Variants in CNOT11 observed in about 807,000 individuals in gnomAD.
CNOT11 encodes the protein CCR4-NOT transcription complex subunit 11.
A neutral mutation model predicts 44.6 loss-of-function variants in CNOT11; 18 were observed. That is an observed-to-expected ratio of 0.40 (90% CI 0.28 to 0.60). CNOT11 has a LOEUF of 0.60. Ranked by LOEUF, CNOT11 falls within the 20% of genes least tolerant of loss-of-function variation. The pLI is 0.38. For missense variants in CNOT11, 513 were observed against 677.0 expected (o/e 0.76, Z 2.69); for synonymous variants, 291 against 270.9 (o/e 1.07, Z -0.73).
chr2:101,266,928 T>C (rs565924362), intron 5 of CNOT11, 49 bp downstream of exon 5: 1 of 1,394,512 alleles, frequency 7.2e-7, no homozygotes, highest in East Asian at 2.3e-5. Flanking sequence ...ACAGATTAGA[T>C]GGCCAGGAAA....
In CNOT11 at chr2:101,266,854, T is replaced by C; in HGVS notation, c.1213T>C (p.Leu405=). 1 of 1,613,486 alleles carries C rather than the reference T, an allele frequency of 6.2e-7. No homozygotes were observed. The highest frequency in any genetic ancestry group is 8.5e-7 in the Non-Finnish European group (1 of 1,179,436). The change falls in exon 5 of 7, where the codon TTA becomes CTA. Residue 405 remains leucine (L), a synonymous_variant. Transcript: ENST00000289382. ...FSVLVNMDMS[L]HSMEVVNRLT... ...TGTCCTGGTCAATATGGACATGTCT[T>C]TACATTCAATGGAAGTTGTAAATCG...
intron 5 of CNOT11, among the ~76,000 whole-genome samples, chr2:101,268,477 T>A (rs1013267028): frequency 1.3e-5 from 2 of 152,226 alleles, no homozygotes; most frequent in African/African-American, 4.8e-5. Flanking sequence ...TAGTGCATCA[T>A]CCTTAAACGT....
At position 101,270,019 on chromosome 2, in the gene CNOT11, T is replaced by C. The variant is rs1313554223; in HGVS notation, c.*606T>C. The C allele has an allele frequency of 6.6e-6, 1 of 152,490 alleles. No homozygotes were observed. The highest frequency in any genetic ancestry group is 1.5e-5 in the Non-Finnish European group (1 of 68,026). The allele number at this position is 152,490 out of a possible 1,614,324, so 9.4% of individuals were successfully genotyped here. On this transcript the variant is annotated 3_prime_UTR_variant, in exon 7 of 7. Transcript: ENST00000289382. ...ATAAATGCATTTCTTGGGCCTCTTA[T>C]AAACTTGGGAATTCTTAGAAAGCTG...
intron 2 of CNOT11, 117 bp downstream of exon 2, chr2:101,258,072 T>A: frequency 9.3e-7 from 1 of 1,078,052 alleles, no homozygotes; most frequent in Non-Finnish European, 1.3e-6. Flanking sequence ...TCATCCATTT[T>A]AAAAAGTAGT....
At chr2:101,255,508 G>A (rs1573196530) in intron 1 of CNOT11, among the ~76,000 whole-genome samples, 1 of 150,672 alleles carries the variant, frequency 6.6e-6, no homozygotes, top group East Asian at 2.0e-4. Flanking sequence ...AAAAAAAAAA[G>A]TACCTGTGAG....
Position 101,252,929 on chromosome 2 carries a change from C to T in CNOT11, c.-36C>T. On this transcript the variant is annotated 5_prime_UTR_variant, in exon 1 of 7. Coordinates refer to ENST00000289382, the MANE Select transcript of CNOT11 (RefSeq NM_017546.5). ...GACGGAGCGAGCCGGCGCCAGGGCC[C>T]CTCGGGCCGGGAAGAGGGGAAGGGG... 8.6e-6 allele frequency: 12 copies of T among 1,403,476 alleles called. No homozygotes were observed. The highest frequency in any genetic ancestry group is 1.1e-5 in the Non-Finnish European group (12 of 1,089,212). 86.9% of individuals were successfully genotyped at this position (1,403,476 alleles called of 1,614,324 possible). A position where few individuals can be genotyped will look rare whatever the true frequency, so the allele number is the denominator to read the frequency against.
At chr2:101,254,649 A>C (rs1197946364) in intron 1 of CNOT11, among the ~76,000 whole-genome samples, 2 of 151,862 alleles carry the variant, frequency 1.3e-5, no homozygotes, top group African/African-American at 4.8e-5. Context: ...TGGAGGCCGA[A>C]GTGGTGGAGG....
chr2:101,256,713 A>G (rs1005652327), intron 1 of CNOT11, among the ~76,000 whole-genome samples: 2 of 152,226 alleles, frequency 1.3e-5, no homozygotes, highest in African/African-American at 4.8e-5. Context: ...TTGTTTGCAT[A>G]TATAAGCTTT....
intron 5 of CNOT11, among the ~76,000 whole-genome samples, chr2:101,268,244 C>T (rs1410190777): frequency 6.6e-6 from 1 of 152,236 alleles, no homozygotes; most frequent in Non-Finnish European, 1.5e-5. Flanking sequence ...TGAAGACTCA[C>T]TCTTTTCAGT....
intron 2 of CNOT11, 68 bp downstream of exon 2, chr2:101,258,023 A>G (rs1681772477): frequency 2.8e-6 from 4 of 1,433,520 alleles, no homozygotes; most frequent in Non-Finnish European, 3.8e-6. Flanking sequence ...TGAGGACTCT[A>G]CTAAAATGAT....
At chr2:101,268,508 G>A (rs1422791671) in intron 5 of CNOT11, among the ~76,000 whole-genome samples, 7 of 152,144 alleles carry the variant, frequency 4.6e-5, no homozygotes, top group East Asian at 3.8e-4. Flanking sequence ...TTTTGGCGAC[G>A]CACAAATCTC....
At chr2:101,258,021 C>T in intron 2 of CNOT11, 66 bp downstream of exon 2, 6 of 1,434,940 alleles carry the variant, frequency 4.2e-6, no homozygotes, top group Non-Finnish European at 5.7e-6. Context: ...GTTGAGGACT[C>T]TACTAAAATG....
chr2:101,269,121 G>C lies in CNOT11; in HGVS notation c.1320G>C (p.Lys440Asn), dbSNP rs1174507449. The change falls in exon 6 of 7, where the codon AAG (lysine) becomes AAC (asparagine). Residue 440 changes from lysine to asparagine, a missense_variant. Coordinates refer to ENST00000289382, the MANE Select transcript of CNOT11 (RefSeq NM_017546.5). The surrounding 1 kb of genome is among the most constrained non-coding windows in gnomAD (Gnocchi z 4.8). ...SNCISTCEQI[K>N]DKYMQNRLVR... is the part of the protein sequence containing the mutation. ...GCATCTCTACTTGTGAACAGATTAA[G>C]GATAAATATATGCAGGTAATATAAA... is the stretch of plus-strand genomic sequence containing the variant. 1 of 1,604,552 alleles carries C rather than the reference G, an allele frequency of 6.2e-7. No homozygotes were observed. The highest frequency in any genetic ancestry group is 1.7e-5 in the Admixed American group (1 of 59,292).
intron 4 of CNOT11, among the ~76,000 whole-genome samples, chr2:101,266,103 A>G (rs374333881): frequency 2.3e-4 from 35 of 152,318 alleles, no homozygotes; most frequent in African/African-American, 8.4e-4. Flanking sequence ...ACTTCATAGA[A>G]AAAGTCCTTT....
intron 1 of CNOT11, among the ~76,000 whole-genome samples, chr2:101,256,294 G>A (rs1681735321): frequency 6.6e-6 from 1 of 152,112 alleles, no homozygotes; most frequent in African/African-American, 2.4e-5. Flanking sequence ...GTTTAATTCT[G>A]TGTACACAGG....
In CNOT11 at chr2:101,269,469, T is replaced by C; in HGVS notation, c.*56T>C. The C allele has an allele frequency of 2.0e-6, 3 of 1,494,612 alleles. No homozygotes were observed. In the South Asian group the frequency reaches 3.4e-5, roughly 17 times the overall value. 92.6% of individuals were successfully genotyped at this position (1,494,612 alleles called of 1,614,324 possible). On this transcript the variant is annotated 3_prime_UTR_variant, in exon 7 of 7. Coordinates refer to ENST00000289382, the MANE Select transcript of CNOT11 (RefSeq NM_017546.5). The surrounding 1 kb of genome is among the most constrained non-coding windows in gnomAD (Gnocchi z 4.8). ...TGTTCAGCTGTACTGTGATTTAGTT[T>C]TTACACCGTTAAAACCCTGAGTGGA...
chr2:101,267,459 T>C (rs965766678), intron 5 of CNOT11, among the ~76,000 whole-genome samples: 2 of 151,756 alleles, frequency 1.3e-5, no homozygotes, highest in Admixed American at 1.3e-4. Context: ...AGTCCTGTCT[T>C]CTTTATCCCT....
chr2:101,253,298 C>T lies in CNOT11; in HGVS notation c.334C>T (p.Leu112Phe). 6.2e-7 allele frequency: 1 copy of T among 1,610,676 alleles called. No individual in the cohort carries two copies. Among genetic ancestry groups the T allele is most frequent in the South Asian group, 1.1e-5 (1 of 90,958 alleles). Residue 112 changes from leucine (L) to phenylalanine (F), a missense_variant, in exon 1 of 7, where the codon CTC becomes TTC. Leu to Phe is a conservative substitution (Grantham distance 22). Coordinates refer to ENST00000289382, the MANE Select transcript of CNOT11 (RefSeq NM_017546.5). The surrounding 1 kb of genome is among the most constrained non-coding windows in gnomAD (Gnocchi z 4.3). Reference sequence around the variant, plus strand: ...CCTGGGCTCGGTGCTCGTCATGCTGCTCCAGCAGCCCGACCTGCTGCCTAG... The same window carrying T: ...CCTGGGCTCGGTGCTCGTCATGCTGTTCCAGCAGCCCGACCTGCTGCCTAG... ...FRLGSVLVMLLQQPDLLPSAA... is the reference protein window; with the variant it reads ...FRLGSVLVMLFQQPDLLPSAA...
At position 101,265,039 on chromosome 2, in the gene CNOT11, C is replaced by A; in HGVS notation, c.1027C>A (p.Gln343Lys). 2 of 1,609,246 alleles carry A rather than the reference C, an allele frequency of 1.2e-6. No homozygotes were observed. Among genetic ancestry groups the A allele is most frequent in the Non-Finnish European group, 1.7e-6 (2 of 1,175,738 alleles). Residue 343 changes from glutamine to lysine, a missense_variant, in exon 4 of 7, where the codon CAA (glutamine) becomes AAA (lysine). Gln to Lys is a moderately conservative substitution (Grantham distance 53). Around this residue, in one of 4 missense-constraint regions of CNOT11, gnomAD observed 140 missense variants for 169.8 expected, o/e 0.82. Transcript: ENST00000289382. ...AFKSPLSSPQ[Q>K]TQLLGELEKD... ...CAAAAGCCCCTTATCCTCTCCCCAA[C>A]AAACACAGGTGTGTATTGATTGTAA...
Sources: allele counts gnomAD v4.1 joint callset (sites outside exome capture counted in the v4.1 genomes callset), GRCh38; gene constraint gnomAD v4.1.1; regional missense constraint gnomAD v4.1.1; non-coding constraint Gnocchi (gnomAD v3.1); transcripts MANE v1.5; gene names NCBI Gene and HGNC (gene_info 2026-07-23, HGNC 2026-07-21).